Variants in TSHZ2 observed in about 807,000 individuals in gnomAD.
TSHZ2 encodes teashirt homolog 2.
In TSHZ2, 21 loss-of-function variants were observed where a neutral mutation model predicts 74.4. That is an observed-to-expected ratio of 0.28 (90% CI 0.20 to 0.41). The LOEUF (loss-of-function observed/expected upper bound fraction) is 0.41. TSHZ2 is among the 10% of genes least tolerant of loss of function. The pLI is 1.00. For missense variants in TSHZ2, 1,244 were observed against 1,293.5 expected, an observed-to-expected ratio of 0.96 and a Z score of 0.59; for synonymous variants, 540 against 515.3, an observed-to-expected ratio of 1.05 and a Z score of -0.65.
At chr20:53,250,901 TTGTG>T (rs11472057) in intron 1 of TSHZ2, among the ~76,000 whole-genome samples, 123 of 148,798 alleles carry the variant, frequency 8.3e-4, no homozygotes, top group Admixed American at 1.1e-3. Flanking sequence ...GGTGGGCAGA[TTGTG>T]TGTGTGTGTG....
intron 2 of TSHZ2, among the ~76,000 whole-genome samples, chr20:53,486,113 T>C (rs1189718207): frequency 6.6e-6 from 1 of 152,214 alleles, no homozygotes; most frequent in African/African-American, 2.4e-5. Context: ...TGAGTTTGAC[T>C]ACCTCTAGAT....
At chr20:53,219,813 T>G (rs915136437) in intron 1 of TSHZ2, among the ~76,000 whole-genome samples, 2 of 152,240 alleles carry the variant, frequency 1.3e-5, no homozygotes, top group Admixed American at 6.5e-5. Context: ...GATTTCCCAA[T>G]GTCAATAACT....
chr20:53,093,458 C>T (rs1985947064), intron 1 of TSHZ2, among the ~76,000 whole-genome samples: 1 of 152,242 alleles, frequency 6.6e-6, no homozygotes, highest in African/African-American at 2.4e-5. Flanking sequence ...CTCATGCTTC[C>T]TTTTCCAACA....
intron 2 of TSHZ2, among the ~76,000 whole-genome samples, chr20:53,280,111 T>A (rs1780306228): frequency 6.6e-6 from 1 of 152,060 alleles, no homozygotes; most frequent in Admixed American, 6.6e-5. Flanking sequence ...TGAAGATGAC[T>A]CTGCTCCTGT....
intron 2 of TSHZ2, among the ~76,000 whole-genome samples, chr20:53,356,645 C>T (rs1210700692): frequency 6.6e-6 from 1 of 152,092 alleles, no homozygotes; most frequent in Non-Finnish European, 1.5e-5. Context: ...GAGGCAAACC[C>T]TTAGAATTAA....
chr20:53,264,367 C>G (rs192031249), intron 2 of TSHZ2, among the ~76,000 whole-genome samples: 6 of 152,224 alleles, frequency 3.9e-5, no homozygotes, highest in Non-Finnish European at 8.8e-5. Flanking sequence ...CCATCAGAAT[C>G]GGAGCACAGG....
chr20:53,051,453 GCACGCACACACACA>G (rs1464433672), intron 1 of TSHZ2, among the ~76,000 whole-genome samples: 6 of 102,992 alleles, frequency 5.8e-5, no homozygotes, highest in Admixed American at 2.0e-4. Context: ...ACTCTGTGGC[GCACGCACACACACA>G]CACACACACA....
chr20:53,066,853 T>A (rs1297028032), intron 1 of TSHZ2, among the ~76,000 whole-genome samples: 1 of 152,154 alleles, frequency 6.6e-6, no homozygotes, highest in East Asian at 1.9e-4. Context: ...AAACCAAGAC[T>A]AAGGCTCCTT....
At chr20:53,176,270 G>T (rs1043976042) in intron 1 of TSHZ2, among the ~76,000 whole-genome samples, 1 of 152,116 alleles carries the variant, frequency 6.6e-6, no homozygotes, top group Non-Finnish European at 1.5e-5. Context: ...AAGCCTCAAA[G>T]AATGCCTCAT....
intron 2 of TSHZ2, chr20:53,461,666 T>A (rs1985377865): frequency 6.6e-6 from 1 of 152,130 alleles, no homozygotes; most frequent in Non-Finnish European, 1.5e-5. Context: ...CCAAAAAGAC[T>A]CTCTCAGACA....
chr20:53,382,579 G>T (rs1248337871), intron 2 of TSHZ2, among the ~76,000 whole-genome samples: 1 of 152,192 alleles, frequency 6.6e-6, no homozygotes, highest in Non-Finnish European at 1.5e-5. Context: ...GGTCAGACAA[G>T]AAATAGAAGC....
At chr20:53,327,009 G>A (rs759663035) in intron 2 of TSHZ2, among the ~76,000 whole-genome samples, 3 of 152,242 alleles carry the variant, frequency 2.0e-5, no homozygotes, top group Non-Finnish European at 4.4e-5. Context: ...ATTTGAAATT[G>A]AGAAGGTTGT....
chr20:53,387,876 ATC>A (rs1237087536), intron 2 of TSHZ2, among the ~76,000 whole-genome samples: 1 of 152,032 alleles, frequency 6.6e-6, no homozygotes, highest in Non-Finnish European at 1.5e-5. Flanking sequence ...GTGAAACCCT[ATC>A]TCTACTAAAA....
chr20:53,198,312 G>A (rs1988921538), intron 1 of TSHZ2: 1 of 152,240 alleles, frequency 6.6e-6, no homozygotes, highest in Non-Finnish European at 1.5e-5. Flanking sequence ...CATTTTCTAA[G>A]GTTAGAGTGG....
At chr20:53,359,931 G>T (rs2145601898) in intron 2 of TSHZ2, among the ~76,000 whole-genome samples, 1 of 152,308 alleles carries the variant, frequency 6.6e-6, no homozygotes, top group East Asian at 1.9e-4. Context: ...CATCGTGGGG[G>T]AAAGTCATCC....
chr20:53,348,166 G>C (rs1980510427), intron 2 of TSHZ2, among the ~76,000 whole-genome samples: 1 of 152,152 alleles, frequency 6.6e-6, no homozygotes, highest in African/African-American at 2.4e-5. Context: ...AAAAAACATG[G>C]GAGACAAGTG....
chr20:53,316,690 G>A (rs143844075), intron 2 of TSHZ2, among the ~76,000 whole-genome samples: 72 of 151,752 alleles, frequency 4.7e-4, no homozygotes, highest in African/African-American at 1.7e-3. Context: ...AACTCATTTT[G>A]TTACTCATTT....
At chr20:53,267,300 G>A (rs1362222354) in intron 2 of TSHZ2, among the ~76,000 whole-genome samples, 2 of 152,218 alleles carry the variant, frequency 1.3e-5, no homozygotes, top group Non-Finnish European at 2.9e-5. Context: ...TCCGAGGCCA[G>A]TAAGAAGAGG....
chr20:52,986,240 A>G (rs1470351368), intron 1 of TSHZ2, among the ~76,000 whole-genome samples: 3 of 151,662 alleles, frequency 2.0e-5, no homozygotes, highest in Non-Finnish European at 2.9e-5. Flanking sequence ...AAATACAGAA[A>G]AAAAAAAAAT....
Sources: allele counts gnomAD v4.1 joint callset (sites outside exome capture counted in the v4.1 genomes callset), GRCh38; gene constraint gnomAD v4.1.1; transcripts MANE v1.5; gene names NCBI Gene and HGNC (gene_info 2026-07-23, HGNC 2026-07-21).